The following NELL1 variants were observed in gnomAD, a reference collection of about 807,000 sequenced individuals.
The protein encoded by NELL1 is protein kinase C-binding protein NELL1.
NELL1 carries 76 observed loss-of-function variants against 107.4 expected under a neutral mutation model. The ratio of observed to expected loss-of-function variants is 0.71; its 90% CI spans 0.59 to 0.86. NELL1 has a LOEUF of 0.86. NELL1 is among the 40% of genes least tolerant of loss of function. The pLI is 0.00. For missense variants in NELL1, 1,024 were observed against 1,005.5 expected (o/e 1.02, Z -0.25); for synonymous variants, 353 against 341.2 (o/e 1.03, Z -0.38).
chr11:21,159,342 C>T (rs1317750050), intron 13 of NELL1, among the ~76,000 whole-genome samples: 1 of 152,174 alleles, frequency 6.6e-6, no homozygotes, highest in South Asian at 2.1e-4. Flanking sequence ...TAAATTTAAG[C>T]AGAAAATAGA....
rs113449367 is a variant in NELL1, at chr11:21,516,740, T to TACACAC, written c.1646-17618_1646-17613dup. Among the ~76,000 whole-genome samples the TACACAC allele has an allele frequency of 4.1e-3, 577 of 141,994 alleles. 4 individuals carry two copies. Among genetic ancestry groups the TACACAC allele is most frequent in the African/African-American group, 0.014 (547 of 38,178 alleles). 93.2% of individuals were successfully genotyped at this position (141,994 alleles called of 152,430 possible). A position where few individuals can be genotyped will look rare whatever the true frequency, so the allele number is the denominator to read the frequency against. The stretch of plus-strand genomic sequence containing the variant: ...TCTGTCAATCACACACACACACACA[T>TACACAC]ACACACACACACACACACACAGACA... On this transcript the variant is annotated intron_variant, in intron 15 of 19. Transcript: ENST00000357134.
intron 14 of NELL1, among the ~76,000 whole-genome samples, chr11:21,285,634 G>A (rs1849098657): frequency 6.6e-6 from 1 of 152,108 alleles, no homozygotes. Flanking sequence ...TCTTCCAGCT[G>A]GACTCAAGAG....
chr11:21,231,475 A>G (rs1297481557), intron 14 of NELL1, among the ~76,000 whole-genome samples: 1 of 152,234 alleles, frequency 6.6e-6, no homozygotes, highest in East Asian at 1.9e-4. Flanking sequence ...AAACAAGGAA[A>G]CAAAAACGTT....
At chr11:20,902,743 T>C (rs1405812494) in intron 5 of NELL1, among the ~76,000 whole-genome samples, 1 of 152,042 alleles carries the variant, frequency 6.6e-6, no homozygotes, top group East Asian at 1.9e-4. Context: ...TAGGAGAATG[T>C]TTAAATACGT....
In NELL1 at chr11:21,473,273, T is replaced by C. The variant is rs12575233; in HGVS notation, c.1646-61101T>C. Among the ~76,000 whole-genome samples, 3,320 of 152,096 alleles carry C rather than the reference T, an allele frequency of 0.022. 291 individuals are homozygous for C. In the East Asian group the frequency reaches 0.29, roughly 13 times the overall value. ...AATCTTGTGTTTCTGTCATTTCCTT[T>C]ATTTCCTCTACAAGCCTCTGGATCT... On this transcript the variant is annotated intron_variant, in intron 15 of 19. Coordinates refer to ENST00000357134, the MANE Select transcript of NELL1 (RefSeq NM_006157.5).
At chr11:21,171,446 C>T (rs11025957) in intron 13 of NELL1, among the ~76,000 whole-genome samples, 14,597 of 151,726 alleles carry the variant, frequency 0.096, 853 homozygotes, top group Non-Finnish European at 0.11. Context: ...TATTTTTTAA[C>T]GAAACTGTGA....
rs1344335266 is a variant in NELL1 at position 21,309,262 on chromosome 11, A to ATATATATATATATATG, written c.1550-61576_1550-61575insGTATATATATATATAT. Among the ~76,000 whole-genome samples, 97 of 24,980 alleles carry ATATATATATATATATG rather than the reference A, an allele frequency of 3.9e-3. 2 individuals are homozygous for ATATATATATATATATG. Among genetic ancestry groups the ATATATATATATATATG allele is most frequent in the Non-Finnish European group, 3.8e-3 (44 of 11,700 alleles). 16.4% of individuals were successfully genotyped at this position (24,980 alleles called of 152,430 possible). On this transcript the variant is annotated intron_variant, in intron 14 of 19. Coordinates refer to ENST00000357134, the MANE Select transcript of NELL1 (RefSeq NM_006157.5). Reference sequence around the variant, plus strand: ...AAACCCACTCTAAATATATATATGTATATATATATATATATATGTATATAT... The same window carrying ATATATATATATATATG: ...AAACCCACTCTAAATATATATATGTATATATATATATATATGTATATATATATATATATGTATATAT...
intron 13 of NELL1, among the ~76,000 whole-genome samples, chr11:21,210,347 G>A (rs951121212): frequency 3.3e-5 from 5 of 151,992 alleles, no homozygotes; most frequent in Admixed American, 6.6e-5. Flanking sequence ...ACACTTCCAC[G>A]AGCAATATCC....
chr11:20,786,061 G>A (rs192334488), intron 3 of NELL1, among the ~76,000 whole-genome samples: 2 of 149,346 alleles, frequency 1.3e-5, no homozygotes, highest in Non-Finnish European at 3.0e-5. Context: ...TTTGAGAAAG[G>A]GAGAAGAGGC....
rs867768746 is a variant in NELL1 at position 20,722,023 on chromosome 11, T to A, written c.184+43963T>A. Reference sequence around the variant, plus strand: ...ACTTGACCTTTCTGAGTCTCTCTTTTTTTTTTTTTTTTTTTGAGACAAAGT... The same window carrying A: ...ACTTGACCTTTCTGAGTCTCTCTTTATTTTTTTTTTTTTTTGAGACAAAGT... On this transcript the variant is annotated intron_variant, in intron 2 of 19. Transcript: ENST00000357134. Among the ~76,000 whole-genome samples, 835 of 146,886 alleles carry A rather than the reference T, an allele frequency of 5.7e-3. 7 individuals carry two copies. Among genetic ancestry groups the A allele is most frequent in the South Asian group, 9.9e-3 (45 of 4,568 alleles).
At chr11:21,424,191 A>G (rs978793240) in intron 15 of NELL1, among the ~76,000 whole-genome samples, 2 of 152,252 alleles carry the variant, frequency 1.3e-5, no homozygotes, top group African/African-American at 4.8e-5. Flanking sequence ...GATTTTTCAG[A>G]AAGATCAACA....
In NELL1 at chr11:20,885,484, C is replaced by T. The variant is rs1158903703; in HGVS notation, c.547C>T (p.Pro183Ser). 1 of 1,613,274 alleles carries T rather than the reference C, an allele frequency of 6.2e-7. No individual in the cohort carries two copies. The highest frequency in any genetic ancestry group is 1.3e-5 in the African/African-American group (1 of 75,026). The part of the protein sequence containing the change: ...RVIDPPDTNL[P>S]PGINLWLGQR... The stretch of plus-strand genomic sequence containing the variant: ...GATAGACCCTCCAGATACCAACCTT[C>T]CCCCAGGAATCAATTTATGGCTTGG... The change falls in exon 5 of 20, where the codon CCC (proline) becomes TCC (serine). Residue 183 changes from proline (P) to serine (S), a missense_variant. Physicochemically the swap from Pro to Ser is moderately conservative, Grantham distance 74 (BLOSUM62 -1). Transcript: ENST00000357134.
At chr11:20,885,586 C>A in intron 5 of NELL1, 46 bp downstream of exon 5, 1 of 1,162,180 alleles carries the variant, frequency 8.6e-7, no homozygotes, top group Non-Finnish European at 1.3e-6. Context: ...ATAGGCGATG[C>A]TCAGTTTTCT....
At chr11:21,258,638 G>A (rs985374963) in intron 14 of NELL1, among the ~76,000 whole-genome samples, 3 of 151,730 alleles carry the variant, frequency 2.0e-5, no homozygotes, top group Non-Finnish European at 4.4e-5. Context: ...GTAATGGAGG[G>A]CAATCTGCTT....
intron 15 of NELL1, among the ~76,000 whole-genome samples, chr11:21,384,248 C>T (rs1365613248): frequency 6.6e-6 from 1 of 151,858 alleles, no homozygotes; most frequent in Non-Finnish European, 1.5e-5. Flanking sequence ...TGTCATTCCT[C>T]TGCTTCACAT....
rs4335543 is a variant in NELL1, at chr11:21,177,295, C to G, written c.1427-52037C>G. On this transcript the variant is annotated intron_variant, in intron 13 of 19. Transcript: ENST00000357134. Reference sequence around the variant, plus strand: ...CCATCTTTCAGCCCCTGGTAACCACCGTTTTACTCCCTACATCTATGAGTT... The same window carrying G: ...CCATCTTTCAGCCCCTGGTAACCACGGTTTTACTCCCTACATCTATGAGTT... Among the ~76,000 whole-genome samples, 7 of 151,390 alleles carry G rather than the reference C, an allele frequency of 4.6e-5. 1 individual carries two copies. Among genetic ancestry groups the G allele is most frequent in the African/African-American group, 1.7e-4 (7 of 40,878 alleles).
intron 12 of NELL1, among the ~76,000 whole-genome samples, chr11:20,995,217 C>G (rs1417379603): frequency 6.6e-6 from 1 of 151,982 alleles, no homozygotes; most frequent in African/African-American, 2.4e-5. Context: ...TTTGCTCATC[C>G]TTTTCTTGTG....
chr11:21,572,436 G>A (rs901288460), intron 18 of NELL1, among the ~76,000 whole-genome samples: 3 of 140,462 alleles, frequency 2.1e-5, no homozygotes, highest in African/African-American at 6.5e-5. Flanking sequence ...CCTACACAAA[G>A]CCCACAGTCT....
At chr11:21,465,582 GTT>G (rs1235322121) in intron 15 of NELL1, among the ~76,000 whole-genome samples, 11 of 151,922 alleles carry the variant, frequency 7.2e-5, no homozygotes, top group Admixed American at 7.2e-4. Context: ...TTCTGCCCTA[GTT>G]TTTTTCTCTT....
Sources: gnomAD v4.1 joint callset for allele counts (sites outside exome capture counted in the v4.1 genomes callset) on GRCh38, gnomAD v4.1.1 for gene constraint, MANE v1.5 for transcripts, NCBI Gene and HGNC (gene_info 2026-07-23, HGNC 2026-07-21) for gene names.